Variants in MYO16 observed in about 807,000 individuals in gnomAD.
The protein encoded by MYO16 is myosin XVI, also known as unconventional myosin-XVI.
Under a neutral mutation model 205.3 loss-of-function variants are expected in MYO16, and 94 were observed. The ratio of observed to expected loss-of-function variants is 0.46; its 90% CI spans 0.39 to 0.54. The LOEUF (loss-of-function observed/expected upper bound fraction) is 0.54, where lower values mean the gene tolerates loss of function less well. Among genes scored for constraint, MYO16 ranks in the 20% least tolerant of loss-of-function variants. The probability of loss-of-function intolerance (pLI) is 0.00; values close to 1 mark genes in which losing one functional copy is unlikely to be tolerated. For missense variants in MYO16, 2,315 were observed against 2,387.5 expected (o/e 0.97, Z 0.63); for synonymous variants, 988 against 954.0 (o/e 1.04, Z -0.66).
chr13:109,118,579 G>A (rs1236201617), intron 28 of MYO16, among the ~76,000 whole-genome samples: 1 of 152,110 alleles, frequency 6.6e-6, no homozygotes, highest in East Asian at 1.9e-4. Flanking sequence ...TTGGAGTTTT[G>A]TTTTGGAACC....
chr13:108,537,490 A>C, the MYO16 span, among the ~76,000 whole-genome samples: 7 of 152,200 alleles, frequency 4.6e-5, no homozygotes, highest in South Asian at 1.4e-3. Context: ...TTGATATAAC[A>C]ATCCTTTTCT....
intron 4 of MYO16, among the ~76,000 whole-genome samples, chr13:108,755,564 AAATC>A (rs1326595081): frequency 5.3e-5 from 8 of 151,864 alleles, no homozygotes; most frequent in South Asian, 2.1e-4. Context: ...AAAAAAAAAA[AAATC>A]AAAGGCATAG....
chr13:109,134,433 A>G (rs995370210), intron 31 of MYO16, among the ~76,000 whole-genome samples: 1 of 152,140 alleles, frequency 6.6e-6, no homozygotes, highest in Non-Finnish European at 1.5e-5. Flanking sequence ...TTGTTTTACT[A>G]TCCCTCTCAG....
intron 31 of MYO16, among the ~76,000 whole-genome samples, chr13:109,130,267 C>T (rs553914399): frequency 2.0e-5 from 3 of 152,108 alleles, no homozygotes; most frequent in Non-Finnish European, 2.9e-5. Context: ...CTTAGAGATG[C>T]GTTTGGTCCA....
intron 20 of MYO16, among the ~76,000 whole-genome samples, chr13:108,977,708 T>C (rs937179647): frequency 1.3e-5 from 2 of 152,232 alleles, no homozygotes; most frequent in Non-Finnish European, 2.9e-5. Flanking sequence ...TAGCAATGTT[T>C]CTTTACCCCT....
At chr13:109,057,907 C>T (rs908127802) in intron 27 of MYO16, among the ~76,000 whole-genome samples, 9 of 151,928 alleles carry the variant, frequency 5.9e-5, no homozygotes, top group East Asian at 1.9e-4. Flanking sequence ...AAGTGATCCG[C>T]GGGGGCCTCA....
At chr13:108,608,488 G>C (rs575679320) in intron 1 of MYO16, among the ~76,000 whole-genome samples, 3 of 152,158 alleles carry the variant, frequency 2.0e-5, no homozygotes, top group East Asian at 1.9e-4. Context: ...CACCATTCCT[G>C]TTCTTCTCTT....
chr13:109,154,241 T>C (rs946330412), intron 32 of MYO16, among the ~76,000 whole-genome samples: 2 of 152,234 alleles, frequency 1.3e-5, no homozygotes, highest in Non-Finnish European at 2.9e-5. Context: ...TATTAAAATA[T>C]GGAAATGTCT....
chr13:108,718,813 TTTTAG>T (rs1566569293), intron 3 of MYO16, among the ~76,000 whole-genome samples: 2 of 152,106 alleles, frequency 1.3e-5, no homozygotes, highest in African/African-American at 4.8e-5. Context: ...TAGTTCAGAA[TTTTAG>T]ATCATTAGTG....
At chr13:109,048,153 A>ATGTG (rs34750704) in intron 24 of MYO16, among the ~76,000 whole-genome samples, 21 of 141,082 alleles carry the variant, frequency 1.5e-4, no homozygotes, top group African/African-American at 4.8e-4. Flanking sequence ...TTAATAGGAT[A>ATGTG]TGTGTGTGTG....
chr13:108,817,971 G>T (rs1305351863), intron 7 of MYO16, among the ~76,000 whole-genome samples: 1 of 152,140 alleles, frequency 6.6e-6, no homozygotes, highest in African/African-American at 2.4e-5. Context: ...AAAGAAAGTG[G>T]TGGTAATTTT....
At chr13:109,014,667 T>C (rs2139498753) in intron 22 of MYO16, among the ~76,000 whole-genome samples, 1 of 152,342 alleles carries the variant, frequency 6.6e-6, no homozygotes, top group South Asian at 2.1e-4. Flanking sequence ...TAGTTCTCCT[T>C]GAAGAGATCC....
chr13:108,566,621 G>T, the MYO16 span, among the ~76,000 whole-genome samples: 8 of 150,536 alleles, frequency 5.3e-5, no homozygotes. Context: ...AATAGAGTGA[G>T]ACTGTGTAAG....
chr13:108,997,742 G>A (rs1249946012), intron 21 of MYO16, among the ~76,000 whole-genome samples: 2 of 152,202 alleles, frequency 1.3e-5, no homozygotes, highest in East Asian at 1.9e-4. Flanking sequence ...GGAGGGTGAG[G>A]CAGGAGAATC....
At chr13:109,183,986 A>G (rs551931821) in intron 34 of MYO16, among the ~76,000 whole-genome samples, 1 of 152,360 alleles carries the variant, frequency 6.6e-6, no homozygotes, top group South Asian at 2.1e-4. Flanking sequence ...GTTGCAGAGC[A>G]CTAAATAAAT....
chr13:109,123,822 C>T (rs1305561918), intron 29 of MYO16, among the ~76,000 whole-genome samples: 5 of 152,086 alleles, frequency 3.3e-5, no homozygotes, highest in African/African-American at 9.7e-5. Flanking sequence ...TCATAGGTAC[C>T]CCTCATATTT....
intron 34 of MYO16, among the ~76,000 whole-genome samples, chr13:109,193,422 T>G (rs1426185182): frequency 6.6e-6 from 1 of 152,210 alleles, no homozygotes; most frequent in Non-Finnish European, 1.5e-5. Flanking sequence ...TGCTAATCTG[T>G]GCCCCTTTCC....
chr13:109,057,355 G>A (rs536397871), intron 27 of MYO16, among the ~76,000 whole-genome samples: 1 of 152,302 alleles, frequency 6.6e-6, no homozygotes, highest in South Asian at 2.1e-4. Flanking sequence ...TGTAGAATAT[G>A]TATTTCAGAT....
At chr13:108,986,131 T>A (rs1884624579) in intron 20 of MYO16, among the ~76,000 whole-genome samples, 1 of 152,094 alleles carries the variant, frequency 6.6e-6, no homozygotes. Flanking sequence ...ATCATGAGAT[T>A]ATCGTGAGAA....
Sources: allele counts gnomAD v4.1 joint callset (sites outside exome capture counted in the v4.1 genomes callset), GRCh38; gene constraint gnomAD v4.1.1; transcripts MANE v1.5; gene names NCBI Gene and HGNC (gene_info 2026-07-23, HGNC 2026-07-21).